Variants in ATOH8 observed in about 807,000 individuals in gnomAD.
ATOH8 encodes the protein atonal bHLH transcription factor 8.
Under a neutral mutation model 21.2 loss-of-function variants are expected in ATOH8, and 9 were observed. The ratio of observed to expected loss-of-function variants is 0.42; its 90% CI spans 0.26 to 0.74. ATOH8 has a LOEUF of 0.74. ATOH8 is among the 30% of genes least tolerant of loss of function. The probability of loss-of-function intolerance (pLI) is 0.24; values close to 1 mark genes in which losing one functional copy is unlikely to be tolerated. For missense variants in ATOH8, 524 were observed against 470.9 expected, an observed-to-expected ratio of 1.11 and a Z score of -1.04; for synonymous variants, 253 against 224.0, an observed-to-expected ratio of 1.13 and a Z score of -1.16.
rs1186545235 is a variant in ATOH8 at position 85,788,618 on chromosome 2, TCAAGGCAGAAGGGACAGGGCTGGC to T, written c.*1734_*1757del. ...TAAGATAAAAAATAGGAGAGCACTG[TCAAGGCAGAAGGGACAGGGCTGGC>T]CAAGGAAAGGGGGATAGGAGGGGAC... On this transcript the variant is annotated 3_prime_UTR_variant, in exon 3 of 3. Transcript: ENST00000306279. Among the ~76,000 whole-genome samples the T allele has an allele frequency of 1.3e-5, 2 of 152,030 alleles. No homozygotes were observed. Among genetic ancestry groups the T allele is most frequent in the African/African-American group, 2.4e-5 (1 of 41,384 alleles).
Position 85,785,009 on chromosome 2 carries a change from C to T in ATOH8, c.961-1876C>T, listed in dbSNP as rs1196272904. 7.9e-5 allele frequency among the ~76,000 whole-genome samples: 12 copies of T among 152,246 alleles called. No homozygotes were observed. Among genetic ancestry groups the T allele is most frequent in the Admixed American group, 7.9e-4 (12 of 15,284 alleles). ...GAAGGTCAGGCCTTGGTGAGAGAAACCCCTGTCTCCTTTAATCCTGGATGG... is the reference window on the plus strand; with the variant it reads ...GAAGGTCAGGCCTTGGTGAGAGAAATCCCTGTCTCCTTTAATCCTGGATGG... On this transcript the variant is annotated intron_variant, in intron 2 of 2. Coordinates refer to ENST00000306279, the MANE Select transcript of ATOH8 (RefSeq NM_032827.7). This position sits in a 1 kb window ranked among gnomAD's most constrained non-coding sequence, Gnocchi z 4.1.
chr2:85,779,451 G>A (rs757874236), intron 2 of ATOH8, among the ~76,000 whole-genome samples: 6 of 152,266 alleles, frequency 3.9e-5, no homozygotes, highest in African/African-American at 9.6e-5. Flanking sequence ...CTGAGAAGGC[G>A]TCAGCATGGC....
At position 85,754,090 on chromosome 2, in the gene ATOH8, G is replaced by T; in HGVS notation, c.-100G>T. The T allele has an allele frequency of 2.3e-6, 3 of 1,323,510 alleles. No homozygotes were observed. The highest frequency in any genetic ancestry group is 2.9e-6 in the Non-Finnish European group (3 of 1,022,252). The allele number at this position is 1,323,510 out of a possible 1,614,324, so 82.0% of individuals were successfully genotyped here. ...GAGGGGGAGAAAGGGAGAGAGGGAG[G>T]GGGAGGGCGGGCGAAGCGGGAGAGC... On this transcript the variant is annotated 5_prime_UTR_variant, in exon 1 of 3. Transcript: ENST00000306279.
intron 2 of ATOH8, chr2:85,774,817 AG>A (rs1680280634): frequency 1.0e-6 from 1 of 978,636 alleles, no homozygotes; most frequent in Non-Finnish European, 1.2e-6. Flanking sequence ...CCTTGCTCAA[AG>A]GGGCTATTTT....
intron 2 of ATOH8, among the ~76,000 whole-genome samples, chr2:85,768,977 G>T (rs1022361309): frequency 1.3e-5 from 2 of 152,186 alleles, no homozygotes; most frequent in African/African-American, 4.8e-5. Context: ...GATAATGCAC[G>T]TTAAGCACCT....
chr2:85,779,061 GCCT>G (rs908908350), intron 2 of ATOH8, among the ~76,000 whole-genome samples: 94 of 151,932 alleles, frequency 6.2e-4, no homozygotes, highest in Non-Finnish European at 2.1e-4. Context: ...CAGCCTGGGT[GCCT>G]CCTCCAGCCT....
intron 2 of ATOH8, among the ~76,000 whole-genome samples, chr2:85,765,272 C>T (rs1573525873): frequency 1.3e-5 from 2 of 152,244 alleles, no homozygotes; most frequent in East Asian, 3.9e-4. Flanking sequence ...CTGCCCCTCC[C>T]CCATCCCTGA....
intron 2 of ATOH8, among the ~76,000 whole-genome samples, chr2:85,769,240 G>T (rs1680111094): frequency 6.6e-6 from 1 of 152,258 alleles, no homozygotes; most frequent in Admixed American, 6.5e-5. Flanking sequence ...CAAATTGATA[G>T]CATGTTTTGA....
chr2:85,775,743 C>T (rs1250167670), intron 2 of ATOH8, among the ~76,000 whole-genome samples: 1 of 152,184 alleles, frequency 6.6e-6, no homozygotes. Flanking sequence ...GGAAGATGCT[C>T]CCCTCGAACC....
rs113610046 is a variant in ATOH8, at chr2:85,772,327, G to A, written c.960+8145G>A. 6.4e-3 allele frequency among the ~76,000 whole-genome samples: 977 copies of A among 152,340 alleles called. 11 individuals carry two copies. Among genetic ancestry groups the A allele is most frequent in the African/African-American group, 0.022 (919 of 41,578 alleles). On this transcript the variant is annotated intron_variant, in intron 2 of 2. Transcript: ENST00000306279. Reference sequence around the variant, plus strand: ...GTTCCCATTCGGGCGCTGTGGTTTTGATTAGCTGTTCTGCGAGGCGGGCCT... The same window carrying A: ...GTTCCCATTCGGGCGCTGTGGTTTTAATTAGCTGTTCTGCGAGGCGGGCCT...
chr2:85,767,145 T>TA, intron 2 of ATOH8, among the ~76,000 whole-genome samples: 1 of 152,252 alleles, frequency 6.6e-6, no homozygotes, highest in South Asian at 2.1e-4. Flanking sequence ...CTTCGTTTTG[T>TA]GCCTCCCAGC....
chr2:85,784,400 G>C (rs1390064851), intron 2 of ATOH8, among the ~76,000 whole-genome samples: 8 of 152,116 alleles, frequency 5.3e-5, no homozygotes, highest in African/African-American at 1.7e-4. Flanking sequence ...AAATTAGCCA[G>C]GCATGGTGGT....
Position 85,775,513 on chromosome 2 carries a change from G to A in ATOH8, c.960+11331G>A, listed in dbSNP as rs193157731. On this transcript the variant is annotated intron_variant, in intron 2 of 2. Transcript: ENST00000306279. ...TCAAGCAGCAGCTTAAACTAACAGG[G>A]GCTGGCATTTTTCATAGTTCAGAAA... is the stretch of plus-strand genomic sequence containing the variant. Among the ~76,000 whole-genome samples the A allele has an allele frequency of 1.3e-3, 205 of 152,302 alleles. 1 individual carries two copies. Among genetic ancestry groups the A allele is most frequent in the African/African-American group, 4.7e-3 (197 of 41,556 alleles).
chr2:85,776,027 C>T (rs1680310331), intron 2 of ATOH8, among the ~76,000 whole-genome samples: 1 of 152,226 alleles, frequency 6.6e-6, no homozygotes, highest in South Asian at 2.1e-4. Context: ...CCCCCAGCGA[C>T]CTCGTTCCTG....
intron 2 of ATOH8, among the ~76,000 whole-genome samples, chr2:85,784,649 AGTGGGACCAAGGTAT>A (rs1680578036): frequency 1.3e-5 from 2 of 152,226 alleles, no homozygotes; most frequent in Admixed American, 1.3e-4. Context: ...TGACTTTCCA[AGTGGGACCAAGGTAT>A]GTGGTATTTC....
At chr2:85,779,704 G>T (rs993791936) in intron 2 of ATOH8, among the ~76,000 whole-genome samples, 2 of 152,234 alleles carry the variant, frequency 1.3e-5, no homozygotes, top group Non-Finnish European at 2.9e-5. Context: ...TCCTAGCAAT[G>T]TGGCCTAGGG....
intron 2 of ATOH8, chr2:85,773,158 C>A: frequency 3.4e-6 from 1 of 294,836 alleles, no homozygotes. Flanking sequence ...AGACCGGACA[C>A]CATGCAGAGA....
intron 2 of ATOH8, among the ~76,000 whole-genome samples, chr2:85,780,155 AGCC>A: frequency 6.6e-6 from 1 of 152,296 alleles, no homozygotes; most frequent in East Asian, 1.9e-4. Flanking sequence ...CCCCAGCCCC[AGCC>A]CTGCACTTGT....
intron 1 of ATOH8, among the ~76,000 whole-genome samples, chr2:85,761,797 TG>T (rs1213217687): frequency 6.6e-6 from 1 of 152,146 alleles, no homozygotes; most frequent in Non-Finnish European, 1.5e-5. Context: ...TACCAGACCT[TG>T]TTTATTTGTT....
Sources: gnomAD v4.1 joint callset for allele counts (sites outside exome capture counted in the v4.1 genomes callset) on GRCh38, gnomAD v4.1.1 for gene constraint, Gnocchi (gnomAD v3.1) non-coding constraint, MANE v1.5 for transcripts, NCBI Gene and HGNC (gene_info 2026-07-23, HGNC 2026-07-21) for gene names.